The following RASGRP2 variants were observed in gnomAD, a reference collection of about 807,000 sequenced individuals.
RASGRP2 encodes RAS guanyl releasing protein 2.
A neutral mutation model predicts 71.0 loss-of-function variants in RASGRP2; 44 were observed. The observed-to-expected ratio is 0.62, with a 90% CI of 0.49 to 0.80. RASGRP2 has a LOEUF of 0.80. Among genes scored for constraint, RASGRP2 ranks in the 30% least tolerant of loss-of-function variants. RASGRP2 has a pLI of 0.00. For missense variants in RASGRP2, 663 were observed against 813.4 expected (o/e 0.82, Z 2.25); for synonymous variants, 350 against 330.7 (o/e 1.06, Z -0.63).
At chr11:64,741,133 G>A in intron 4 of RASGRP2, 54 bp from the exon 5 acceptor site, 7 of 1,598,522 alleles carry the variant, frequency 4.4e-6, no homozygotes, top group Non-Finnish European at 6.0e-6. Flanking sequence ...TCACCCAGCA[G>A]GCTGCAAGGA....
rs1156734899 is a variant in RASGRP2 at position 64,743,036 on chromosome 11, C to A, written c.-71-99G>T. The A allele has an allele frequency of 1.1e-5, 15 of 1,339,810 alleles. No homozygotes were observed. Among genetic ancestry groups the A allele is most frequent in the Non-Finnish European group, 1.4e-5 (14 of 972,558 alleles). 83.0% of individuals were successfully genotyped at this position (1,339,810 alleles called of 1,614,324 possible). A position where few individuals can be genotyped will look rare whatever the true frequency, so the allele number is the denominator to read the frequency against. ...CGGGGCGGGCACGCCCCCTGCTGGA[C>A]AGGGGCGGAGTTGTCCCCCGCGGCC... On this transcript the variant is annotated intron_variant, in intron 1 of 16. Coordinates refer to ENST00000394432, the MANE Select transcript of RASGRP2 (RefSeq NM_001098671.2). The surrounding 1 kb of genome is among the most constrained non-coding windows in gnomAD (Gnocchi z 4.9).
In RASGRP2 at chr11:64,739,139, T is replaced by A. The variant is rs1166091595; in HGVS notation, c.813+221A>T. Among the ~76,000 whole-genome samples, 5 of 147,490 alleles carry A rather than the reference T, an allele frequency of 3.4e-5. No homozygotes were observed. The highest frequency in any genetic ancestry group is 6.7e-5 in the Admixed American group (1 of 14,990). ...GGACAACAGAGAGAGAGACCCTGTC[T>A]TAAAAAAAAAAAAAAAAGTACTAGC... On this transcript the variant is annotated intron_variant, in intron 8 of 16. Coordinates refer to ENST00000394432, the MANE Select transcript of RASGRP2 (RefSeq NM_001098671.2). This position sits in a 1 kb window ranked among gnomAD's most constrained non-coding sequence, Gnocchi z 4.2.
At position 64,739,140 on chromosome 11, in the gene RASGRP2, T is replaced by TA. The variant is rs765864450; in HGVS notation, c.813+219dup. ...GACAACAGAGAGAGAGACCCTGTCT[T>TA]AAAAAAAAAAAAAAAAGTACTAGCT... On this transcript the variant is annotated intron_variant, in intron 8 of 16. Transcript: ENST00000394432. The surrounding 1 kb of genome is among the most constrained non-coding windows in gnomAD (Gnocchi z 4.2). Among the ~76,000 whole-genome samples the TA allele has an allele frequency of 1.8e-3, 247 of 134,928 alleles. 1 individual carries two copies. The highest frequency in any genetic ancestry group is 7.3e-3 in the Middle Eastern group (2 of 274). 88.5% of individuals were successfully genotyped at this position (134,928 alleles called of 152,430 possible). A position where few individuals can be genotyped will look rare whatever the true frequency, so the allele number is the denominator to read the frequency against.
chr11:64,727,431 A>G, intron 15 of RASGRP2, 71 bp from the exon 16 acceptor site: 4 of 1,430,278 alleles, frequency 2.8e-6, no homozygotes, highest in Non-Finnish European at 3.9e-6. Context: ...TCCCCTCTCC[A>G]CGGGAGGCAT....
At chr11:64,734,066 C>G (rs1035872041) in intron 12 of RASGRP2, among the ~76,000 whole-genome samples, 3 of 151,830 alleles carry the variant, frequency 2.0e-5, no homozygotes, top group African/African-American at 7.3e-5. Flanking sequence ...AATCCTAGCA[C>G]TTTGGGGGGC....
rs1166431596 is a variant in RASGRP2 at position 64,727,175 on chromosome 11, A to G, written c.*7-44T>C. ...GTTGTGAGGAAGACACCCCCCTAAC[A>G]ACAAGGTAGTAGCCCACCTGGCTTG... On this transcript the variant is annotated intron_variant, in intron 16 of 16. Transcript: ENST00000394432. 6.1e-6 allele frequency: 5 copies of G among 820,168 alleles called. No individual in the cohort carries two copies. In the East Asian group the frequency reaches 1.3e-4, roughly 22 times the overall value. 50.8% of individuals were successfully genotyped at this position (820,168 alleles called of 1,614,324 possible). A position where few individuals can be genotyped will look rare whatever the true frequency, so the allele number is the denominator to read the frequency against.
chr11:64,744,639 C>CG (rs1222113643), upstream of RASGRP2: 1 of 151,700 alleles, frequency 6.6e-6, no homozygotes, highest in African/African-American at 2.4e-5. Context: ...ACTCCCCACC[C>CG]GCTCGCCGCC....
chr11:64,733,853 CTT>C (rs200730812), intron 12 of RASGRP2, among the ~76,000 whole-genome samples: 5 of 135,630 alleles, frequency 3.7e-5, no homozygotes, highest in Non-Finnish European at 3.1e-5. Context: ...CTTTTTTTTT[CTT>C]TTTTTTTTTT....
rs2058217204 is a variant in RASGRP2, at chr11:64,743,644, C to G, written c.-72+359G>C. On this transcript the variant is annotated intron_variant, in intron 1 of 16. Transcript: ENST00000394432. This position sits in a 1 kb window ranked among gnomAD's most constrained non-coding sequence, Gnocchi z 4.9. ...TCCCAGGGGTCCCGGCTCAGCTTGTCCACAGGCCCTCTTCCTCCCTATCCC... is the reference window on the plus strand; with the variant it reads ...TCCCAGGGGTCCCGGCTCAGCTTGTGCACAGGCCCTCTTCCTCCCTATCCC... 3 of 423,440 alleles carry G rather than the reference C, an allele frequency of 7.1e-6. No homozygotes were observed. The highest frequency in any genetic ancestry group is 1.4e-5 in the Non-Finnish European group (3 of 212,894). 26.2% of individuals were successfully genotyped at this position (423,440 alleles called of 1,614,324 possible). A position where few individuals can be genotyped will look rare whatever the true frequency, so the allele number is the denominator to read the frequency against.
chr11:64,743,386 C>T lies in RASGRP2; in HGVS notation c.-71-449G>A, dbSNP rs140545408. On this transcript the variant is annotated intron_variant, in intron 1 of 16. Transcript: ENST00000394432. This position sits in a 1 kb window ranked among gnomAD's most constrained non-coding sequence, Gnocchi z 4.9. Reference sequence around the variant, plus strand: ...GAGGGGACCTCGGAGGAATTTCTCCCTGGTATGGGAGGTGGGGGGAGAGAA... The same window carrying T: ...GAGGGGACCTCGGAGGAATTTCTCCTTGGTATGGGAGGTGGGGGGAGAGAA... 476 of 384,890 alleles carry T rather than the reference C, an allele frequency of 1.2e-3. No individual in the cohort carries two copies. The highest frequency in any genetic ancestry group is 9.0e-3 in the African/African-American group (428 of 47,304). 23.8% of individuals were successfully genotyped at this position (384,890 alleles called of 1,614,324 possible). A position where few individuals can be genotyped will look rare whatever the true frequency, so the allele number is the denominator to read the frequency against.
rs1216024059 is a variant in RASGRP2, at chr11:64,730,083, G to C, written c.1524C>G (p.Arg508=). 6.5e-7 allele frequency: 1 copy of C among 1,550,294 alleles called. No homozygotes were observed. Among genetic ancestry groups the C allele is most frequent in the South Asian group, 1.2e-5 (1 of 84,052 alleles). ...CTTTGCAGTGGCGGCAGGCGACGGG[G>C]CGCAAGGAGTTGCTCTCCTGGAAGT... The part of the protein sequence containing the change: ...VHNFQESNSL[R]PVACRHCKAL... Residue 508 remains arginine, a synonymous_variant, in exon 13 of 17, where the codon CGC becomes CGG. Transcript: ENST00000394432.
At position 64,739,981 on chromosome 11, in the gene RASGRP2, G is replaced by A; in HGVS notation, c.522+32C>T. On this transcript the variant is annotated intron_variant, in intron 6 of 16. Transcript: ENST00000394432. This position sits in a 1 kb window ranked among gnomAD's most constrained non-coding sequence, Gnocchi z 4.2. ...CTAGAACTCTCTTCCAGCCCACATT[G>A]GACCCCTGACCCCCCAGCCCTCGGG... 1 of 1,613,842 alleles carries A rather than the reference G, an allele frequency of 6.2e-7. No homozygotes were observed.
chr11:64,733,204 T>C (rs1228643653), intron 12 of RASGRP2, among the ~76,000 whole-genome samples: 1 of 151,938 alleles, frequency 6.6e-6, no homozygotes, highest in Non-Finnish European at 1.5e-5. Context: ...TGCCTAAAGA[T>C]ATATCAACAA....
intron 4 of RASGRP2, 142 bp from the exon 5 acceptor site, chr11:64,741,221 G>T: frequency 8.4e-7 from 1 of 1,193,826 alleles, no homozygotes. Flanking sequence ...CACTCCAAGT[G>T]TACATTAGAC....
chr11:64,743,399 TG>T lies in RASGRP2; in HGVS notation c.-71-463del, dbSNP rs1205876346. On this transcript the variant is annotated intron_variant, in intron 1 of 16. Transcript: ENST00000394432. This position sits in a 1 kb window ranked among gnomAD's most constrained non-coding sequence, Gnocchi z 4.9. ...AGGAATTTCTCCCTGGTATGGGAGGTGGGGGGAGAGAACCCAGGCGTCCTGC... is the reference window on the plus strand; with the variant it reads ...AGGAATTTCTCCCTGGTATGGGAGGTGGGGGAGAGAACCCAGGCGTCCTGC... The T allele has an allele frequency of 2.7e-6, 1 of 367,488 alleles. No individual in the cohort carries two copies. The highest frequency in any genetic ancestry group is 3.9e-4 in the Middle Eastern group (1 of 2,586). 22.8% of individuals were successfully genotyped at this position (367,488 alleles called of 1,614,324 possible). A position where few individuals can be genotyped will look rare whatever the true frequency, so the allele number is the denominator to read the frequency against.
In RASGRP2 at chr11:64,742,166, C is replaced by G. The variant is rs368579641; in HGVS notation, c.74-54G>C. On this transcript the variant is annotated intron_variant, in intron 2 of 16. Coordinates refer to ENST00000394432, the MANE Select transcript of RASGRP2 (RefSeq NM_001098671.2). This position sits in a 1 kb window ranked among gnomAD's most constrained non-coding sequence, Gnocchi z 4.7. ...CTGAGCTGGGTCCGCAGCTACCATG[C>G]CTCATCCTCACCCCGCAACCCGCCA... 24 of 1,385,886 alleles carry G rather than the reference C, an allele frequency of 1.7e-5. No individual in the cohort carries two copies. The African/African-American group carries it at 3.4e-4, about 20-fold the overall frequency. 85.8% of individuals were successfully genotyped at this position (1,385,886 alleles called of 1,614,324 possible).
intron 12 of RASGRP2, among the ~76,000 whole-genome samples, chr11:64,730,574 G>A (rs2057733252): frequency 6.6e-6 from 1 of 152,234 alleles, no homozygotes; most frequent in African/African-American, 2.4e-5. Context: ...TGAGTTCTGG[G>A]ACCAGGAGAG....
At position 64,735,137 on chromosome 11, in the gene RASGRP2, C is replaced by T. The variant is rs746646945; in HGVS notation, c.1387G>A (p.Ala463Thr). Reference sequence around the variant, plus strand: ...TGGTTCTGGTCGAGGTCCCCAAAGGCGCTGAGGTAAGGGAAGTTCCCACGG... The same window carrying T: ...TGGTTCTGGTCGAGGTCCCCAAAGGTGCTGAGGTAAGGGAAGTTCCCACGG... Reference protein sequence around the residue: ...IIRGNFPYLSAFGDLDQNQDG... With the variant: ...IIRGNFPYLSTFGDLDQNQDG... The change falls in exon 12 of 17, where the codon GCC (alanine) becomes ACC (threonine). Residue 463 changes from alanine (A) to threonine (T), a missense_variant. Transcript: ENST00000394432. The surrounding 1 kb of genome is among the most constrained non-coding windows in gnomAD (Gnocchi z 4.2). 8.7e-6 allele frequency: 14 copies of T among 1,614,022 alleles called. No individual in the cohort carries two copies. The highest frequency in any genetic ancestry group is 4.5e-5 in the East Asian group (2 of 44,906).
rs1434705143 is a variant in RASGRP2, at chr11:64,742,929, AC to A, written c.-64del. 6.5e-7 allele frequency: 1 copy of A among 1,537,112 alleles called. No individual in the cohort carries two copies. The highest frequency in any genetic ancestry group is 1.2e-5 in the South Asian group (1 of 84,204). Reference sequence around the variant, plus strand: ...TCCGGGAGCCTCCCACCGGGCTCGGACCGAACCCCTGTCCCGGGAGAGGCAG... The same window carrying A: ...TCCGGGAGCCTCCCACCGGGCTCGGACGAACCCCTGTCCCGGGAGAGGCAG... On this transcript the variant is annotated 5_prime_UTR_variant, in exon 2 of 17. Transcript: ENST00000394432. The surrounding 1 kb of genome is among the most constrained non-coding windows in gnomAD (Gnocchi z 4.7).
Sources: gnomAD v4.1 joint callset for allele counts (sites outside exome capture counted in the v4.1 genomes callset) on GRCh38, gnomAD v4.1.1 for gene constraint, Gnocchi (gnomAD v3.1) non-coding constraint, MANE v1.5 for transcripts, NCBI Gene and HGNC (gene_info 2026-07-23, HGNC 2026-07-21) for gene names.